The following CHFR variants were observed in gnomAD, a reference collection of about 807,000 sequenced individuals.
The protein encoded by CHFR is E3 ubiquitin-protein ligase CHFR.
Under a neutral mutation model 87.6 loss-of-function variants are expected in CHFR, and 57 were observed. The observed-to-expected ratio is 0.65, with a 90% confidence interval of 0.53 to 0.81. CHFR has a LOEUF of 0.81. CHFR is among the 30% of genes least tolerant of loss of function. The pLI, the probability that CHFR is intolerant of heterozygous loss-of-function variation, is 0.00. For missense variants in CHFR, 797 were observed against 865.8 expected, an observed-to-expected ratio of 0.92 and a Z score of 1.00; for synonymous variants, 381 against 359.2, an observed-to-expected ratio of 1.06 and a Z score of -0.69.
chr12:132,867,382 G>A (rs1235669571), intron 6 of CHFR: 1 of 152,204 alleles, frequency 6.6e-6, no homozygotes, highest in African/African-American at 2.4e-5. Context: ...TGAGACAGAG[G>A]GAGCAGTCTT....
intron 3 of CHFR, 78 bp downstream of exon 3, chr12:132,877,477 G>A (rs1018338681): frequency 3.4e-6 from 3 of 882,200 alleles, no homozygotes; most frequent in Non-Finnish European, 1.7e-6. Context: ...CCTCAGCCGT[G>A]GCACACAGCA....
At chr12:132,873,569 G>A (rs542547306) in intron 3 of CHFR, among the ~76,000 whole-genome samples, 2 of 151,098 alleles carry the variant, frequency 1.3e-5, no homozygotes, top group South Asian at 2.1e-4. Flanking sequence ...GAGTGCACAC[G>A]GACTTGGGTG....
intron 7 of CHFR, 31 bp downstream of exon 7, chr12:132,861,436 G>A (rs147213046): frequency 6.2e-7 from 1 of 1,608,650 alleles, no homozygotes; most frequent in Non-Finnish European, 8.5e-7. Flanking sequence ...GCACACGAGA[G>A]GACTGAGGAC....
intron 2 of CHFR, among the ~76,000 whole-genome samples, chr12:132,877,885 C>T (rs1174787828): frequency 1.3e-5 from 2 of 152,108 alleles, no homozygotes; most frequent in Non-Finnish European, 2.9e-5. Context: ...TCACTGCAAG[C>T]TCCGCCTCCC....
intron 2 of CHFR, among the ~76,000 whole-genome samples, chr12:132,885,417 T>TAA (rs1191415440): frequency 6.7e-4 from 75 of 111,750 alleles, no homozygotes; most frequent in African/African-American, 1.9e-3. Context: ...TCTCAAAAAA[T>TAA]ATATAAATAA....
rs555609623 is a variant in CHFR at position 132,844,189 on chromosome 12, C to T, written c.1736-55G>A. On this transcript the variant is annotated intron_variant, in intron 15 of 17. Coordinates refer to ENST00000450056, the MANE Select transcript of CHFR (RefSeq NM_001161346.2). ...ACACCATCTTCCCAACAGCAGCGCA[C>T]GGACTTCACAGCAGTGGGAGACTAA... 146 of 1,177,416 alleles carry T rather than the reference C, an allele frequency of 1.2e-4. No individual in the cohort carries two copies. In the Admixed American group the frequency reaches 1.6e-3, roughly 13 times the overall value. 72.9% of individuals were successfully genotyped at this position (1,177,416 alleles called of 1,614,324 possible). A position where few individuals can be genotyped will look rare whatever the true frequency, so the allele number is the denominator to read the frequency against.
At chr12:132,843,958 A>G (rs1566173713) in intron 16 of CHFR, 69 bp downstream of exon 16, 7 of 963,796 alleles carry the variant, frequency 7.3e-6, no homozygotes, top group East Asian at 4.9e-5. Flanking sequence ...AAAAAAAAAA[A>G]AGAGAGGCAG....
In CHFR at chr12:132,847,300, G is replaced by T. The variant is rs968271009; in HGVS notation, c.1648-170C>A. 1.7e-5 allele frequency: 23 copies of T among 1,371,460 alleles called. 1 individual carries two copies. Among genetic ancestry groups the T allele is most frequent in the Middle Eastern group, 5.5e-4 (2 of 3,650 alleles). 85.0% of individuals were successfully genotyped at this position (1,371,460 alleles called of 1,614,324 possible). On this transcript the variant is annotated intron_variant, in intron 14 of 17. Coordinates refer to ENST00000450056, the MANE Select transcript of CHFR (RefSeq NM_001161346.2). ...TGCACGTTCACGGCCTGCAGCACGAGAAGTCTTGTCCAAGAGCCTCCTGGA... is the reference window on the plus strand; with the variant it reads ...TGCACGTTCACGGCCTGCAGCACGATAAGTCTTGTCCAAGAGCCTCCTGGA...
Position 132,861,638 on chromosome 12 carries a change from T to G in CHFR, c.584-4A>C. 6.2e-7 allele frequency: 1 copy of G among 1,613,602 alleles called. No individual in the cohort carries two copies. The highest frequency in any genetic ancestry group is 1.6e-4 in the Middle Eastern group (1 of 6,062). On this transcript the variant is annotated splice_region_variant and splice_polypyrimidine_tract_variant and intron_variant, in intron 6 of 17. Transcript: ENST00000450056. ...GAGATGCCACCACCCCCAGACCCTG[T>G]GAGAGGAATCAAACAAGATAGGTGC...
chr12:132,882,791 G>C (rs1256545216), intron 2 of CHFR: 4 of 151,680 alleles, frequency 2.6e-5, no homozygotes, highest in Admixed American at 1.3e-4. Flanking sequence ...CTGCAGCCTT[G>C]AACTCCCAGG....
Position 132,846,993 on chromosome 12 carries a change from C to G in CHFR, c.1735+50G>C, listed in dbSNP as rs141163483. ...TGGGAGAGCAGACACGCAGGCACAG[C>G]CCTGGACACTCACATGCGCCTTAGA... On this transcript the variant is annotated intron_variant, in intron 15 of 17. Coordinates refer to ENST00000450056, the MANE Select transcript of CHFR (RefSeq NM_001161346.2). 5.3e-5 allele frequency: 73 copies of G among 1,365,902 alleles called. No homozygotes were observed. In the South Asian group the frequency reaches 8.1e-4, roughly 15 times the overall value. 84.6% of individuals were successfully genotyped at this position (1,365,902 alleles called of 1,614,324 possible). A position where few individuals can be genotyped will look rare whatever the true frequency, so the allele number is the denominator to read the frequency against.
At position 132,841,549 on chromosome 12, in the gene CHFR, G is replaced by A; in HGVS notation, c.*5C>T. On this transcript the variant is annotated 3_prime_UTR_variant, in exon 18 of 18. Coordinates refer to ENST00000450056, the MANE Select transcript of CHFR (RefSeq NM_001161346.2). ...TGCTGAAAGCTGCTCAGGGCCTCTG[G>A]ATGCTTAGTTTTTGAACCTTGTCTG... The A allele has an allele frequency of 6.2e-7, 1 of 1,613,014 alleles. No individual in the cohort carries two copies. Among genetic ancestry groups the A allele is most frequent in the Non-Finnish European group, 8.5e-7 (1 of 1,179,006 alleles).
In CHFR at chr12:132,836,407, T is replaced by A. The variant is rs12816572; in HGVS notation, c.*5147A>T. Reference sequence around the variant, plus strand: ...CAGTGACAGGCTCCCAGCACGGCGCTCGGCCCTCACAGTGACAGGCTCCCA... The same window carrying A: ...CAGTGACAGGCTCCCAGCACGGCGCACGGCCCTCACAGTGACAGGCTCCCA... On this transcript the variant is annotated 3_prime_UTR_variant, in exon 18 of 18. Transcript: ENST00000450056. 0.035 allele frequency: 5,045 copies of A among 145,454 alleles called. 605 individuals carry two copies. In the East Asian group the frequency reaches 0.36, roughly 10 times the overall value. The allele number at this position is 145,454 out of a possible 1,614,324, so 9.0% of individuals were successfully genotyped here.
chr12:132,871,580 T>C (rs1951490859), intron 4 of CHFR, among the ~76,000 whole-genome samples: 1 of 151,614 alleles, frequency 6.6e-6, no homozygotes, highest in African/African-American at 2.4e-5. Context: ...GAGACCAGCC[T>C]GTCCAGCATG....
Position 132,859,150 on chromosome 12 carries a change from T to C in CHFR, c.829A>G (p.Arg277Gly), listed in dbSNP as rs754506935. 5.0e-6 allele frequency: 8 copies of C among 1,614,152 alleles called. No individual in the cohort carries two copies. In the African/African-American group the frequency reaches 9.3e-5, roughly 19 times the overall value. The change falls in exon 8 of 18, where the codon AGA (arginine) becomes GGA (glycine). Residue 277 changes from arginine (R) to glycine (G), a missense_variant. By Grantham distance (125) the Arg-to-Gly change is moderately radical. Transcript: ENST00000450056. ...TTGTCTGGCTTCCCAGCCGCTGCTC[T>C]GACGTCCTCGTGGACGGTTTGGGCA... ...RNAQTVHEDV[R>G]AAAGKPDKME...
chr12:132,851,724 G>A lies in CHFR; in HGVS notation c.1386C>T (p.Tyr462=), dbSNP rs141349945. The change falls in exon 12 of 18, where the codon TAC becomes TAT. Residue 462 remains tyrosine (Y), a synonymous_variant. Transcript: ENST00000450056. ...SVSLTTAVQD[Y]VCPLQGSHAL... is the part of the protein sequence containing the mutation. The stretch of plus-strand genomic sequence containing the variant: ...CGTGGCTTCCTTGCAGAGGGCACAC[G>A]TAATCCTGGACTGCTGAAGCACACG... 25 of 1,613,038 alleles carry A rather than the reference G, an allele frequency of 1.5e-5. No individual in the cohort carries two copies. Among genetic ancestry groups the A allele is most frequent in the African/African-American group, 4.0e-5 (3 of 74,900 alleles).
chr12:132,856,718 G>A, intron 9 of CHFR, 88 bp from the exon 10 acceptor site: 1 of 1,429,052 alleles, frequency 7.0e-7, no homozygotes, highest in South Asian at 1.2e-5. Flanking sequence ...CGCGTGCGCA[G>A]TGCTGCGGAA....
intron 3 of CHFR, among the ~76,000 whole-genome samples, chr12:132,877,135 A>C (rs1464551844): frequency 6.6e-6 from 1 of 152,110 alleles, no homozygotes; most frequent in African/African-American, 2.4e-5. Flanking sequence ...ATACGATAGG[A>C]GTCCCACAAG....
chr12:132,846,762 C>T (rs906707417), intron 15 of CHFR, among the ~76,000 whole-genome samples: 3 of 152,120 alleles, frequency 2.0e-5, no homozygotes, highest in Admixed American at 1.3e-4. Flanking sequence ...TGCCTGTAAT[C>T]CCAGCTACTC....
Sources: allele counts gnomAD v4.1 joint callset (sites outside exome capture counted in the v4.1 genomes callset), GRCh38; gene constraint gnomAD v4.1.1; transcripts MANE v1.5; gene names NCBI Gene and HGNC (gene_info 2026-07-23, HGNC 2026-07-21).